The following CPEB1 variants were observed in gnomAD, a reference collection of about 807,000 sequenced individuals.
CPEB1 encodes cytoplasmic polyadenylation element-binding protein 1.
In CPEB1, 7 loss-of-function variants were observed where a neutral mutation model predicts 65.8. The ratio of observed to expected loss-of-function variants is 0.11; its 90% CI spans 0.06 to 0.20. The LOEUF is 0.20. CPEB1 is among the 10% of genes least tolerant of loss of function. The pLI is 1.00. For synonymous variants in CPEB1, 262 were observed against 260.0 expected (o/e 1.01, Z -0.08); for missense variants, 551 against 712.2 (o/e 0.77, Z 2.58).
chr15:82,577,922 C>CTG (rs2151084198), intron 3 of CPEB1, among the ~76,000 whole-genome samples: 1 of 151,902 alleles, frequency 6.6e-6, no homozygotes, highest in East Asian at 2.0e-4. Flanking sequence ...AGGTGGATCA[C>CTG]GAGGTCAGGA....
At chr15:82,614,873 G>GTA (rs1181931437) in intron 3 of CPEB1, among the ~76,000 whole-genome samples, 4 of 120,194 alleles carry the variant, frequency 3.3e-5, no homozygotes, top group African/African-American at 1.2e-4. Flanking sequence ...GTGTGTGTGT[G>GTA]TGTGTGTATA....
Position 82,623,788 on chromosome 15 carries a change from C to CT in CPEB1, c.271+3404dup, listed in dbSNP as rs202172844. Among the ~76,000 whole-genome samples the CT allele has an allele frequency of 3.7e-4, 56 of 152,086 alleles. No homozygotes were observed. In the East Asian group the frequency reaches 0.01, roughly 28 times the overall value. ...TATATTTAAGGCCATTCTTTTTACA[C>CT]TTTTTTTTACACCTGTTTTACACTT... On this transcript the variant is annotated intron_variant, in intron 3 of 12. Coordinates refer to ENST00000684509, the MANE Select transcript of CPEB1 (RefSeq NM_001365242.1).
intron 9 of CPEB1, among the ~76,000 whole-genome samples, chr15:82,550,841 G>GA (rs2036115237): frequency 6.6e-6 from 1 of 152,072 alleles, no homozygotes; most frequent in Admixed American, 6.5e-5. Flanking sequence ...GAACACAAAG[G>GA]AAAAAGAAAA....
chr15:82,647,859 C>G (rs1365171579), upstream of CPEB1: 36 of 1,270,534 alleles, frequency 2.8e-5, no homozygotes, highest in Non-Finnish European at 3.5e-5. Context: ...CTCTTACCAG[C>G]GGGAACGCCA....
intron 3 of CPEB1, among the ~76,000 whole-genome samples, chr15:82,606,929 T>C (rs555272091): frequency 2.6e-5 from 4 of 152,004 alleles, no homozygotes; most frequent in Admixed American, 1.3e-4. Flanking sequence ...GGCCAGGAGT[T>C]TGACACCAGC....
intron 3 of CPEB1, among the ~76,000 whole-genome samples, chr15:82,599,852 C>T (rs1474088139): frequency 2.6e-5 from 4 of 151,750 alleles, no homozygotes; most frequent in African/African-American, 9.7e-5. Context: ...AAATGAGGTA[C>T]AATAGGGGAA....
At chr15:82,593,133 G>T (rs190766395) in intron 3 of CPEB1, among the ~76,000 whole-genome samples, 1 of 152,158 alleles carries the variant, frequency 6.6e-6, no homozygotes, top group Admixed American at 6.5e-5. Flanking sequence ...GGTTAACTGC[G>T]GCAATTTCTT....
intron 1 of CPEB1, among the ~76,000 whole-genome samples, chr15:82,646,174 G>A (rs1021840244): frequency 3.3e-5 from 5 of 152,138 alleles, no homozygotes; most frequent in Admixed American, 6.5e-5. Flanking sequence ...GACTCAAAGG[G>A]AACATGAGCC....
chr15:82,610,827 G>A (rs1459565608), intron 3 of CPEB1, among the ~76,000 whole-genome samples: 25 of 150,834 alleles, frequency 1.7e-4, no homozygotes, highest in Non-Finnish European at 3.0e-5. Flanking sequence ...GCATGGTGGC[G>A]CACACCTGTA....
In CPEB1 at chr15:82,646,870, C is replaced by A. The variant is rs182066322; in HGVS notation, c.-98+267G>T. Among the ~76,000 whole-genome samples the A allele has an allele frequency of 6.7e-3, 1,014 of 152,258 alleles. 10 individuals carry two copies. The highest frequency in any genetic ancestry group is 0.023 in the African/African-American group (946 of 41,574). On this transcript the variant is annotated intron_variant, in intron 1 of 12. Coordinates refer to ENST00000684509, the MANE Select transcript of CPEB1 (RefSeq NM_001365242.1). Reference sequence around the variant, plus strand: ...ACACTCAGGTGACTCCAGGCGGGCACAGGCCCGCCCAACCGCTCGTCATCA... The same window carrying A: ...ACACTCAGGTGACTCCAGGCGGGCAAAGGCCCGCCCAACCGCTCGTCATCA...
At position 82,647,330 on chromosome 15, in the gene CPEB1, G is replaced by T. The variant is rs1409201844; in HGVS notation, c.-291C>A. On this transcript the variant is annotated 5_prime_UTR_variant, in exon 1 of 13. Transcript: ENST00000684509. ...GAGCCCTCCACCTTAAAGGTGCCGC[G>T]ACCGCCGCCGTCGTGGGGCTCTCCA... 1 of 152,610 alleles carries T rather than the reference G, an allele frequency of 6.6e-6. No homozygotes were observed. Among genetic ancestry groups the T allele is most frequent in the Non-Finnish European group, 1.5e-5 (1 of 68,372 alleles). 9.5% of individuals were successfully genotyped at this position (152,610 alleles called of 1,614,324 possible).
upstream of CPEB1, chr15:82,647,695 G>A (rs2047694957): frequency 2.0e-6 from 1 of 489,780 alleles, no homozygotes; most frequent in Non-Finnish European, 3.1e-6. Flanking sequence ...ACCCCTCCAC[G>A]AGGCCCCACG....
intron 3 of CPEB1, among the ~76,000 whole-genome samples, chr15:82,592,032 T>G (rs867007423): frequency 6.6e-6 from 1 of 151,450 alleles, no homozygotes; most frequent in South Asian, 2.1e-4. Context: ...TTTGTAGAGA[T>G]AGGGTTTTGC....
intron 1 of CPEB1, chr15:82,629,602 T>C (rs1280493227): frequency 1.1e-5 from 11 of 985,254 alleles, no homozygotes; most frequent in Non-Finnish European, 1.3e-5. Flanking sequence ...CCACAGCCAA[T>C]GCCCAACATA....
chr15:82,572,938 C>T (rs952772105), intron 3 of CPEB1: 1 of 1,236,658 alleles, frequency 8.1e-7, no homozygotes, highest in Non-Finnish European at 1.1e-6. Context: ...CAACATGAGC[C>T]CAGGGTCACT....
chr15:82,573,117 C>G (rs922027466), intron 3 of CPEB1: 69 of 1,535,396 alleles, frequency 4.5e-5, no homozygotes, highest in Non-Finnish European at 5.8e-5. Context: ...ATGGCAGGGT[C>G]GAGAGAATAA....
At position 82,556,059 on chromosome 15, in the gene CPEB1, G is replaced by A; in HGVS notation, c.751C>T (p.Pro251Ser). 2 of 1,611,882 alleles carry A rather than the reference G, an allele frequency of 1.2e-6. No homozygotes were observed. Among genetic ancestry groups the A allele is most frequent in the South Asian group, 1.1e-5 (1 of 90,408 alleles). Residue 251 changes from proline to serine, a missense_variant, in exon 6 of 13, where the codon CCT (proline) becomes TCT (serine). By Grantham distance (74) the Pro-to-Ser change is moderately conservative (BLOSUM62 -1). Around this residue, in one of 6 missense-constraint regions of CPEB1, gnomAD observed 128 missense variants for 129.1 expected, o/e 0.99. Transcript: ENST00000684509. ...CGAGACCCTACCCCCATCTTTAAAG[G>A]GTCTCTGGGACCACCCCCTGACAGA... ...LSLSGGGPRDPLKMGVGSRMD... is the reference protein window; with the variant it reads ...LSLSGGGPRDSLKMGVGSRMD...
At chr15:82,586,827 T>C (rs1179071336) in intron 3 of CPEB1, among the ~76,000 whole-genome samples, 2 of 152,210 alleles carry the variant, frequency 1.3e-5, no homozygotes, top group African/African-American at 2.4e-5. Context: ...TCCTAGCCTT[T>C]GTTAACATTT....
chr15:82,592,497 G>C (rs540713297), intron 3 of CPEB1, among the ~76,000 whole-genome samples: 73 of 151,476 alleles, frequency 4.8e-4, no homozygotes, highest in Non-Finnish European at 1.3e-4. Context: ...AGGATGGCTT[G>C]AGCCTGGGAG....
Sources: gnomAD v4.1 joint callset for allele counts (sites outside exome capture counted in the v4.1 genomes callset) on GRCh38, gnomAD v4.1.1 for gene constraint, gnomAD v4.1.1 regional missense constraint, MANE v1.5 for transcripts, NCBI Gene and HGNC (gene_info 2026-07-23, HGNC 2026-07-21) for gene names.